BAZ2B: variants seen among roughly 807,000 people sequenced by gnomAD.
BAZ2B encodes the protein bromodomain adjacent to zinc finger domain 2B, also known as bromodomain adjacent to zinc finger domain protein 2B.
In BAZ2B, 91 loss-of-function variants were observed where a neutral mutation model predicts 246.0. The ratio of observed to expected loss-of-function variants is 0.37; its 90% CI spans 0.31 to 0.44. The LOEUF is 0.44. BAZ2B is among the 20% of genes least tolerant of loss of function. The pLI is 1.00. For synonymous variants in BAZ2B, 855 were observed against 860.0 expected, an observed-to-expected ratio of 0.99 and a Z score of 0.10; for missense variants, 2,332 against 2,533.7, an observed-to-expected ratio of 0.92 and a Z score of 1.71.
At chr2:159,556,308 A>T (rs2089122824) in intron 1 of BAZ2B, among the ~76,000 whole-genome samples, 1 of 152,234 alleles carries the variant, frequency 6.6e-6, no homozygotes, top group South Asian at 2.1e-4. Flanking sequence ...CATCTACTTA[A>T]TACTGGAGAC....
intron 5 of BAZ2B, among the ~76,000 whole-genome samples, chr2:159,447,808 T>A (rs1394588060): frequency 6.6e-6 from 1 of 152,170 alleles, no homozygotes; most frequent in Non-Finnish European, 1.5e-5. Context: ...AGGTCTAGCA[T>A]AACACTATAA....
At chr2:159,372,479 C>T (rs2060956208) in intron 27 of BAZ2B, among the ~76,000 whole-genome samples, 1 of 152,162 alleles carries the variant, frequency 6.6e-6, no homozygotes, top group Non-Finnish European at 1.5e-5. Context: ...ATGCACTCTG[C>T]TAGTTAATGT....
In BAZ2B at chr2:159,429,188, T is replaced by G. The variant is rs1306936394; in HGVS notation, c.2255+12A>C. On this transcript the variant is annotated intron_variant, in intron 11 of 36. Transcript: ENST00000392783. ...GGGGGAAAAAGAAAAAGGAAAACCT[T>G]ATTTTGCATACCCATATTCCAATGG... 6.6e-7 allele frequency: 1 copy of G among 1,517,082 alleles called. No individual in the cohort carries two copies. Among genetic ancestry groups the G allele is most frequent in the East Asian group, 2.3e-5 (1 of 43,914 alleles). The allele number at this position is 1,517,082 out of a possible 1,614,324, so 94.0% of individuals were successfully genotyped here.
At chr2:159,353,205 CA>C (rs1456835165) in intron 27 of BAZ2B, among the ~76,000 whole-genome samples, 2 of 152,154 alleles carry the variant, frequency 1.3e-5, no homozygotes, top group African/African-American at 4.8e-5. Flanking sequence ...TCCTTCTCTT[CA>C]AATTAGTTTC....
At chr2:159,456,003 C>T (rs2075727485) in intron 3 of BAZ2B, among the ~76,000 whole-genome samples, 1 of 151,776 alleles carries the variant, frequency 6.6e-6, no homozygotes, top group African/African-American at 2.4e-5. Context: ...GCAAGTTGAA[C>T]TGAACATTGC....
At chr2:159,536,659 A>G (rs957248295) in intron 2 of BAZ2B, among the ~76,000 whole-genome samples, 1 of 152,174 alleles carries the variant, frequency 6.6e-6, no homozygotes, top group African/African-American at 2.4e-5. Context: ...AAGGAAGAAG[A>G]TCTTCGCTAA....
intron 1 of BAZ2B, among the ~76,000 whole-genome samples, chr2:159,574,166 C>T (rs1327462492): frequency 3.3e-5 from 5 of 151,188 alleles, no homozygotes; most frequent in African/African-American, 1.2e-4. Flanking sequence ...CACACACACA[C>T]ACACACAGCA....
At chr2:159,612,626 T>A (rs981314648) in intron 1 of BAZ2B, among the ~76,000 whole-genome samples, 19 of 152,180 alleles carry the variant, frequency 1.2e-4, no homozygotes, top group African/African-American at 4.3e-4. Context: ...TTCATGCAAC[T>A]GTGATATCCT....
intron 1 of BAZ2B, among the ~76,000 whole-genome samples, chr2:159,556,869 T>C (rs149386207): frequency 1.5e-3 from 232 of 152,304 alleles, no homozygotes; most frequent in Non-Finnish European, 2.7e-3. Flanking sequence ...TGGACTTTCA[T>C]GTATTATTTT....
At chr2:159,677,159 A>G in the BAZ2B span, among the ~76,000 whole-genome samples, 1 of 151,258 alleles carries the variant, frequency 6.6e-6, no homozygotes, top group Admixed American at 6.6e-5. Flanking sequence ...TTGAAAGGTA[A>G]TAAAATATAT....
chr2:159,422,506 T>C (rs2150065368), intron 13 of BAZ2B, among the ~76,000 whole-genome samples: 1 of 152,260 alleles, frequency 6.6e-6, no homozygotes, highest in Non-Finnish European at 1.5e-5. Flanking sequence ...AAATCCCCTA[T>C]TCAATAAATA....
intron 27 of BAZ2B, among the ~76,000 whole-genome samples, chr2:159,351,197 C>T (rs1047779743): frequency 1.3e-5 from 2 of 151,994 alleles, no homozygotes; most frequent in Non-Finnish European, 2.9e-5. Context: ...ACACTTAAAT[C>T]CACATAATTA....
At chr2:159,439,535 C>T (rs1188488782) in intron 6 of BAZ2B, among the ~76,000 whole-genome samples, 1 of 152,184 alleles carries the variant, frequency 6.6e-6, no homozygotes, top group East Asian at 1.9e-4. Context: ...ATAATTCCAA[C>T]TATGATACAT....
intron 2 of BAZ2B, among the ~76,000 whole-genome samples, chr2:159,522,651 C>T (rs1036863885): frequency 6.6e-6 from 1 of 152,156 alleles, no homozygotes; most frequent in African/African-American, 2.4e-5. Flanking sequence ...TCACTGACGT[C>T]TAATAATTGT....
chr2:159,648,478 T>C, the BAZ2B span, among the ~76,000 whole-genome samples: 1 of 152,272 alleles, frequency 6.6e-6, no homozygotes, highest in South Asian at 2.1e-4. Flanking sequence ...CTCTTCCATG[T>C]TACCCAACTC....
At chr2:159,520,654 T>C (rs144542885) in intron 2 of BAZ2B, among the ~76,000 whole-genome samples, 385 of 152,308 alleles carry the variant, frequency 2.5e-3, no homozygotes, top group African/African-American at 8.4e-3. Flanking sequence ...ATTGCATCAA[T>C]TGAACCAGAA....
At chr2:159,351,770 T>A (rs1033304232) in intron 27 of BAZ2B, among the ~76,000 whole-genome samples, 2 of 152,234 alleles carry the variant, frequency 1.3e-5, no homozygotes, top group African/African-American at 4.8e-5. Context: ...GCTCATTGTT[T>A]TAAAAATAAT....
intron 2 of BAZ2B, among the ~76,000 whole-genome samples, chr2:159,534,247 A>G (rs1002219064): frequency 6.6e-6 from 1 of 152,208 alleles, no homozygotes; most frequent in Non-Finnish European, 1.5e-5. Context: ...ATGTTCTGAG[A>G]AACGTGTTGT....
chr2:159,566,150 T>C (rs914107618), intron 1 of BAZ2B, among the ~76,000 whole-genome samples: 1 of 152,130 alleles, frequency 6.6e-6, no homozygotes, highest in Non-Finnish European at 1.5e-5. Flanking sequence ...TAGTTGAGAT[T>C]ACAGGCATGC....
Sources: allele counts gnomAD v4.1 joint callset (sites outside exome capture counted in the v4.1 genomes callset), GRCh38; gene constraint gnomAD v4.1.1; transcripts MANE v1.5; gene names NCBI Gene and HGNC (gene_info 2026-07-23, HGNC 2026-07-21).